Variants in MCC observed in about 807,000 individuals in gnomAD.
MCC encodes the protein MCC regulator of Wnt signaling pathway.
MCC carries 90 observed loss-of-function variants against 116.2 expected under a neutral mutation model. That is an observed-to-expected ratio of 0.77 (90% confidence interval 0.65 to 0.92). The LOEUF (loss-of-function observed/expected upper bound fraction) is 0.92, where lower values mean the gene tolerates loss of function less well. Ranked by LOEUF, MCC falls within the 40% of genes least tolerant of loss-of-function variation. MCC has a pLI of 0.00. For missense variants in MCC, 1,516 were observed against 1,312.2 expected, an observed-to-expected ratio of 1.16 and a Z score of -2.40; for synonymous variants, 578 against 510.5, an observed-to-expected ratio of 1.13 and a Z score of -1.78.
intron 3 of MCC, among the ~76,000 whole-genome samples, chr5:113,284,254 G>A (rs986733364): frequency 6.6e-6 from 1 of 152,186 alleles, no homozygotes; most frequent in African/African-American, 2.4e-5. Context: ...GGAGGCTGAG[G>A]TGGGACGATC....
intron 16 of MCC, among the ~76,000 whole-genome samples, chr5:113,047,258 A>G (rs1752156624): frequency 1.3e-5 from 2 of 152,246 alleles, no homozygotes; most frequent in Admixed American, 1.3e-4. Context: ...CTAAGAATGT[A>G]AATTCCTAGA....
chr5:113,223,997 T>C (rs999766703), intron 3 of MCC, among the ~76,000 whole-genome samples: 1 of 152,154 alleles, frequency 6.6e-6, no homozygotes, highest in South Asian at 2.1e-4. Flanking sequence ...CAGCAACACT[T>C]CCTGGGACTC....
chr5:113,129,436 T>C (rs1420933347), intron 5 of MCC, among the ~76,000 whole-genome samples: 1 of 152,198 alleles, frequency 6.6e-6, no homozygotes, highest in Non-Finnish European at 1.5e-5. Context: ...AAAGATACCA[T>C]AGACAGGGTG....
At chr5:113,338,596 A>G (rs966490649) in intron 3 of MCC, among the ~76,000 whole-genome samples, 31 of 152,282 alleles carry the variant, frequency 2.0e-4, no homozygotes, top group African/African-American at 7.5e-4. Flanking sequence ...TCAAATTTTG[A>G]TCTCTGTTTA....
chr5:113,157,207 T>C (rs1024106427), intron 3 of MCC, among the ~76,000 whole-genome samples: 3 of 152,204 alleles, frequency 2.0e-5, no homozygotes, highest in African/African-American at 7.2e-5. Context: ...CAGACATGCC[T>C]ACACTACCCA....
chr5:113,264,264 G>A (rs1765330040), intron 3 of MCC, among the ~76,000 whole-genome samples: 1 of 152,118 alleles, frequency 6.6e-6, no homozygotes. Flanking sequence ...AGGAGACTTG[G>A]TTTCTCTATA....
intron 8 of MCC, among the ~76,000 whole-genome samples, chr5:113,093,297 T>C (rs974488466): frequency 2.6e-5 from 4 of 152,248 alleles, no homozygotes; most frequent in African/African-American, 4.8e-5. Flanking sequence ...AAGCCAGGCA[T>C]GGTGGTGCGC....
chr5:113,326,343 G>A (rs1201276864), intron 3 of MCC, among the ~76,000 whole-genome samples: 2 of 152,146 alleles, frequency 1.3e-5, no homozygotes, highest in Non-Finnish European at 2.9e-5. Flanking sequence ...CCTGAGACTG[G>A]ATAATTTATA....
At position 113,024,282 on chromosome 5, in the gene MCC, G is replaced by A. The variant is rs1464429492; in HGVS notation, c.*3020C>T. On this transcript the variant is annotated 3_prime_UTR_variant, in exon 19 of 19. Coordinates refer to ENST00000408903, the MANE Select transcript of MCC (RefSeq NM_001085377.2). ...GCATGGATATTAACTTCAGAACGCT[G>A]ACAAGCCAGCCGATGAGGATGAAAG... 6.6e-6 allele frequency: 1 copy of A among 152,208 alleles called. No homozygotes were observed. The highest frequency in any genetic ancestry group is 1.5e-5 in the Non-Finnish European group (1 of 68,030). 9.4% of individuals were successfully genotyped at this position (152,208 alleles called of 1,614,324 possible). A position where few individuals can be genotyped will look rare whatever the true frequency, so the allele number is the denominator to read the frequency against.
At chr5:113,081,041 A>G (rs564762001) in intron 11 of MCC, among the ~76,000 whole-genome samples, 4 of 152,256 alleles carry the variant, frequency 2.6e-5, no homozygotes, top group South Asian at 4.1e-4. Flanking sequence ...CAGATTTGCT[A>G]AAGAAGGAAA....
intron 3 of MCC, among the ~76,000 whole-genome samples, chr5:113,309,381 A>T (rs1375150302): frequency 2.0e-5 from 3 of 151,908 alleles, no homozygotes; most frequent in Non-Finnish European, 4.4e-5. Context: ...TCCACTCTGC[A>T]TGCCTCTGCA....
At chr5:113,355,564 G>A (rs7714734) in intron 2 of MCC, among the ~76,000 whole-genome samples, 67,113 of 151,792 alleles carry the variant, frequency 0.44, 16,327 homozygotes, top group African/African-American at 0.64. Flanking sequence ...ATATTTTCTT[G>A]CAGTTCTGGA....
intron 1 of MCC, among the ~76,000 whole-genome samples, chr5:113,391,325 C>T (rs1769396200): frequency 6.6e-6 from 1 of 152,074 alleles, no homozygotes; most frequent in African/African-American, 2.4e-5. Context: ...GGGTTTATAG[C>T]CAGCCAGTGT....
chr5:113,459,141 G>GTA (rs1771668631), intron 1 of MCC, among the ~76,000 whole-genome samples: 1 of 136,496 alleles, frequency 7.3e-6, no homozygotes, highest in South Asian at 2.4e-4. Flanking sequence ...ATATGTGTGT[G>GTA]TGTGTGTGTG....
At chr5:113,202,831 G>A (rs1320095118) in intron 3 of MCC, among the ~76,000 whole-genome samples, 1 of 149,902 alleles carries the variant, frequency 6.7e-6, no homozygotes, top group Non-Finnish European at 1.5e-5. Context: ...AGAAGCTTCA[G>A]ACTTTTGAAC....
At chr5:113,094,543 C>G (rs1411509361) in intron 8 of MCC, among the ~76,000 whole-genome samples, 1 of 151,810 alleles carries the variant, frequency 6.6e-6, no homozygotes, top group Non-Finnish European at 1.5e-5. Context: ...GCCTCAGCCT[C>G]CCAAGCAGCT....
intron 3 of MCC, among the ~76,000 whole-genome samples, chr5:113,327,176 AAGT>A (rs1389246986): frequency 6.6e-6 from 1 of 152,152 alleles, no homozygotes; most frequent in African/African-American, 2.4e-5. Flanking sequence ...TAGAGGACAG[AAGT>A]ATCAAATAGA....
At chr5:113,349,607 T>A (rs1768218096) in intron 2 of MCC, among the ~76,000 whole-genome samples, 1 of 152,014 alleles carries the variant, frequency 6.6e-6, no homozygotes, top group Admixed American at 6.6e-5. Flanking sequence ...GGGGAAAAAT[T>A]GAAAGTCTTT....
At chr5:113,060,168 T>C (rs1753121255) in intron 14 of MCC, among the ~76,000 whole-genome samples, 1 of 152,128 alleles carries the variant, frequency 6.6e-6, no homozygotes. Context: ...GTTTGTTTGT[T>C]TGTTTGAGAC....
Sources: allele counts gnomAD v4.1 joint callset (sites outside exome capture counted in the v4.1 genomes callset), GRCh38; gene constraint gnomAD v4.1.1; transcripts MANE v1.5; gene names NCBI Gene and HGNC (gene_info 2026-07-23, HGNC 2026-07-21).